The following UBE2Z variants were observed in gnomAD, a reference collection of about 807,000 sequenced individuals.
The protein encoded by UBE2Z is ubiquitin-conjugating enzyme E2 Z.
A neutral mutation model predicts 32.6 loss-of-function variants in UBE2Z; 10 were observed. The ratio of observed to expected loss-of-function variants is 0.31; its 90% confidence interval spans 0.19 to 0.52. The LOEUF is 0.52. UBE2Z is among the 20% of genes least tolerant of loss of function. The probability of loss-of-function intolerance (pLI) is 0.97; values close to 1 mark genes in which losing one functional copy is unlikely to be tolerated. For synonymous variants in UBE2Z, 183 were observed against 190.8 expected (o/e 0.96, Z 0.34); for missense variants, 343 against 480.9 (o/e 0.71, Z 2.68).
rs1272293773 is a variant in UBE2Z at position 48,910,888 on chromosome 17, A to G, written c.390+8A>G. ...ACTGTTGACATGACTAAGGTATGTA[A>G]CTTGATGGGGGTTTGGGGGGTTTTG... On this transcript the variant is annotated splice_region_variant and intron_variant, in intron 2 of 6. Coordinates refer to ENST00000360943, the MANE Select transcript of UBE2Z (RefSeq NM_023079.5). The G allele has an allele frequency of 2.5e-6, 4 of 1,609,534 alleles. No homozygotes were observed. Among genetic ancestry groups the G allele is most frequent in the Non-Finnish European group, 3.4e-6 (4 of 1,176,450 alleles).
chr17:48,924,382 C>T (rs72833605), intron 6 of UBE2Z, among the ~76,000 whole-genome samples: 583 of 152,298 alleles, frequency 3.8e-3, no homozygotes, highest in Non-Finnish European at 6.8e-3. Flanking sequence ...ATCACAGAAA[C>T]AGTAGCTTAG....
intron 1 of UBE2Z, among the ~76,000 whole-genome samples, chr17:48,909,734 G>C (rs576801737): frequency 1.3e-5 from 2 of 152,192 alleles, no homozygotes; most frequent in South Asian, 4.2e-4. Context: ...GAAAAGGGCA[G>C]TGCTCTTTAG....
At chr17:48,909,008 C>G (rs1304669936) in intron 1 of UBE2Z, 188 bp downstream of exon 1, 3 of 328,372 alleles carry the variant, frequency 9.1e-6, no homozygotes, top group African/African-American at 2.3e-5. Context: ...CCCTCAGACC[C>G]GCAAGCACCA....
intron 4 of UBE2Z, among the ~76,000 whole-genome samples, 198 bp from the exon 5 acceptor site, chr17:48,920,962 A>G (rs964067765): frequency 4.6e-5 from 7 of 152,014 alleles, no homozygotes; most frequent in Non-Finnish European, 8.8e-5. Context: ...ACCTGTTGGT[A>G]TATTTGGAGG....
chr17:48,921,888 T>G (rs531555052), intron 5 of UBE2Z, among the ~76,000 whole-genome samples: 1 of 151,802 alleles, frequency 6.6e-6, no homozygotes, highest in East Asian at 2.0e-4. Flanking sequence ...ATTAGCCAGG[T>G]GTGATGGCAC....
At chr17:48,919,144 C>T (rs997857306) in intron 4 of UBE2Z, among the ~76,000 whole-genome samples, 1 of 151,996 alleles carries the variant, frequency 6.6e-6, no homozygotes, top group African/African-American at 2.4e-5. Flanking sequence ...CACCACCACA[C>T]CCAGCTGATT....
chr17:48,921,622 C>T (rs1046277158), intron 5 of UBE2Z, among the ~76,000 whole-genome samples: 1 of 152,104 alleles, frequency 6.6e-6, no homozygotes, highest in African/African-American at 2.4e-5. Context: ...GGATGAGCAA[C>T]GTCAGGGTTA....
chr17:48,923,031 C>A, intron 6 of UBE2Z, 94 bp downstream of exon 6: 1 of 1,188,554 alleles, frequency 8.4e-7, no homozygotes, highest in Non-Finnish European at 1.2e-6. Flanking sequence ...CATAGAATGA[C>A]ACAGCTAAGC....
At chr17:48,920,356 C>T (rs1008239284) in intron 4 of UBE2Z, among the ~76,000 whole-genome samples, 1 of 151,996 alleles carries the variant, frequency 6.6e-6, no homozygotes, top group Non-Finnish European at 1.5e-5. Context: ...ACTAGCTGGG[C>T]GTGGTGACAG....
At chr17:48,922,379 T>G (rs1351159275) in intron 5 of UBE2Z, among the ~76,000 whole-genome samples, 1 of 151,960 alleles carries the variant, frequency 6.6e-6, no homozygotes, top group African/African-American at 2.4e-5. Flanking sequence ...AGAGCGAGAC[T>G]CAGTCTCAAA....
Position 48,927,514 on chromosome 17 carries a change from T to A in UBE2Z, c.*380T>A, listed in dbSNP as rs2040806261. ...CAAGAGGGAGTGTGCCCAAATGATTTATGGGGATACCTGGAAGGGAGCTTG... is the reference window on the plus strand; with the variant it reads ...CAAGAGGGAGTGTGCCCAAATGATTAATGGGGATACCTGGAAGGGAGCTTG... On this transcript the variant is annotated 3_prime_UTR_variant, in exon 7 of 7. Transcript: ENST00000360943. The A allele has an allele frequency of 5.6e-6, 1 of 177,866 alleles. No homozygotes were observed. The highest frequency in any genetic ancestry group is 2.3e-5 in the African/African-American group (1 of 42,804). 11.0% of individuals were successfully genotyped at this position (177,866 alleles called of 1,614,324 possible).
chr17:48,919,212 C>T (rs1375774616), intron 4 of UBE2Z, among the ~76,000 whole-genome samples: 1 of 151,548 alleles, frequency 6.6e-6, no homozygotes, highest in African/African-American at 2.4e-5. Flanking sequence ...TCTCCACCTC[C>T]TGACCTTATG....
chr17:48,908,430 G>A lies in UBE2Z; in HGVS notation c.-74G>A, dbSNP rs1051980768. Reference sequence around the variant, plus strand: ...ACACTCTGGCCCGGTTCTCGGTGGTGCGGGAGCGGGCGGGAGCAGCGGCCG... The same window carrying A: ...ACACTCTGGCCCGGTTCTCGGTGGTACGGGAGCGGGCGGGAGCAGCGGCCG... On this transcript the variant is annotated 5_prime_UTR_variant, in exon 1 of 7. Coordinates refer to ENST00000360943, the MANE Select transcript of UBE2Z (RefSeq NM_023079.5). The A allele has an allele frequency of 5.1e-6, 6 of 1,181,816 alleles. No individual in the cohort carries two copies. The South Asian group carries it at 2.6e-4, about 51-fold the overall frequency. The allele number at this position is 1,181,816 out of a possible 1,614,324, so 73.2% of individuals were successfully genotyped here. A position where few individuals can be genotyped will look rare whatever the true frequency, so the allele number is the denominator to read the frequency against.
At chr17:48,909,739 C>CT (rs1481587765) in intron 1 of UBE2Z, among the ~76,000 whole-genome samples, 1 of 152,104 alleles carries the variant, frequency 6.6e-6, no homozygotes, top group South Asian at 2.1e-4. Flanking sequence ...GGGCAGTGCT[C>CT]TTTAGCTATT....
intron 4 of UBE2Z, among the ~76,000 whole-genome samples, chr17:48,916,492 C>G (rs974997713): frequency 1.6e-4 from 24 of 151,388 alleles, no homozygotes; most frequent in African/African-American, 5.6e-4. Flanking sequence ...ACCTGGTGAT[C>G]CGCCTGCCTC....
chr17:48,915,870 C>CCCCG (rs1555580010), intron 3 of UBE2Z: 1 of 333,078 alleles, frequency 3.0e-6, no homozygotes, highest in East Asian at 4.9e-5. Context: ...CTTTTGCCCC[C>CCCCG]CCCCCTTGAT....
At chr17:48,909,584 A>G (rs1276041389) in intron 1 of UBE2Z, among the ~76,000 whole-genome samples, 2 of 120,234 alleles carry the variant, frequency 1.7e-5, no homozygotes, top group Middle Eastern at 7.9e-3. Context: ...TTTTACTTCT[A>G]TGAAGCAAAT....
At chr17:48,920,279 G>A (rs2040750056) in intron 4 of UBE2Z, among the ~76,000 whole-genome samples, 1 of 151,978 alleles carries the variant, frequency 6.6e-6, no homozygotes, top group African/African-American at 2.4e-5. Context: ...TGGATTACCT[G>A]AGGTCAGGCG....
chr17:48,913,167 T>A, intron 3 of UBE2Z, 146 bp downstream of exon 3: 1 of 795,120 alleles, frequency 1.3e-6, no homozygotes, highest in South Asian at 1.8e-5. Flanking sequence ...GGATGGTATG[T>A]GACTAGTATC....
Sources: gnomAD v4.1 joint callset for allele counts (sites outside exome capture counted in the v4.1 genomes callset) on GRCh38, gnomAD v4.1.1 for gene constraint, MANE v1.5 for transcripts, NCBI Gene and HGNC (gene_info 2026-07-23, HGNC 2026-07-21) for gene names.